The following SYT16 variants were observed in gnomAD, a reference collection of about 807,000 sequenced individuals.
The protein encoded by SYT16 is synaptotagmin-16.
Under a neutral mutation model 61.4 loss-of-function variants are expected in SYT16, and 42 were observed. The observed-to-expected ratio is 0.68, with a 90% CI of 0.53 to 0.89. The LOEUF (loss-of-function observed/expected upper bound fraction) is 0.89, where lower values mean the gene tolerates loss of function less well. SYT16 is among the 40% of genes least tolerant of loss of function. The pLI, the probability that SYT16 is intolerant of heterozygous loss-of-function variation, is 0.00. For missense variants in SYT16, 804 were observed against 807.3 expected (o/e 1.00, Z 0.05); for synonymous variants, 314 against 302.3 (o/e 1.04, Z -0.40).
At chr14:61,822,121 G>A (rs1472256733) in intron 1 of SYT16, among the ~76,000 whole-genome samples, 1 of 152,188 alleles carries the variant, frequency 6.6e-6, no homozygotes, top group Admixed American at 6.5e-5. Flanking sequence ...AATTCCGAAA[G>A]CCTCAAAACT....
intron 1 of SYT16, among the ~76,000 whole-genome samples, chr14:61,868,237 A>G (rs2047222437): frequency 6.6e-6 from 1 of 151,734 alleles, no homozygotes. Context: ...TCTTTTTTTA[A>G]TCTTAATCAG....
intron 1 of SYT16, among the ~76,000 whole-genome samples, chr14:61,864,154 A>G (rs183220269): frequency 2.6e-4 from 39 of 152,342 alleles, no homozygotes; most frequent in Middle Eastern, 3.4e-3. Flanking sequence ...CCATTCACCA[A>G]TTGGTAGACT....
chr14:62,098,487 T>A (rs1418417780), intron 7 of SYT16, among the ~76,000 whole-genome samples: 1 of 152,230 alleles, frequency 6.6e-6, no homozygotes, highest in Non-Finnish European at 1.5e-5. Context: ...TAGTAAAATT[T>A]GAGTGCTTTC....
chr14:62,063,967 T>A (rs146241738), intron 3 of SYT16, among the ~76,000 whole-genome samples: 717 of 152,302 alleles, frequency 4.7e-3, no homozygotes, highest in Non-Finnish European at 7.4e-3. Context: ...CTGTCTGAAT[T>A]CTGTGATTGA....
At chr14:62,037,016 A>C (rs372048463) in intron 3 of SYT16, among the ~76,000 whole-genome samples, 6 of 152,188 alleles carry the variant, frequency 3.9e-5, no homozygotes, top group African/African-American at 1.4e-4. Flanking sequence ...GAACTTGGTC[A>C]GTGGCCACGT....
intron 5 of SYT16, 111 bp from the exon 6 acceptor site, chr14:62,080,723 C>G: frequency 9.4e-7 from 1 of 1,058,898 alleles, no homozygotes; most frequent in Non-Finnish European, 1.4e-6. Context: ...AGGGAATACA[C>G]TGGCAGTTAG....
chr14:61,976,407 C>T (rs1214977035), intron 2 of SYT16, among the ~76,000 whole-genome samples: 1 of 152,200 alleles, frequency 6.6e-6, no homozygotes, highest in Admixed American at 6.5e-5. Flanking sequence ...CCCACATTTC[C>T]CTTTCTCACT....
chr14:61,839,141 C>T lies in SYT16; in HGVS notation c.-325+26331C>T, dbSNP rs189552548. Among the ~76,000 whole-genome samples, 39 of 152,240 alleles carry T rather than the reference C, an allele frequency of 2.6e-4. No individual in the cohort carries two copies. In the East Asian group the frequency reaches 6.4e-3, roughly 25 times the overall value. The stretch of plus-strand genomic sequence containing the variant: ...AGTTGCTGTAGTCTAAATGTGCCCT[C>T]CAAAATTCATGTGTTGGAAACGTAA... On this transcript the variant is annotated intron_variant, in intron 1 of 7. Transcript: ENST00000683842.
At chr14:61,954,421 C>T (rs1413519298) in intron 1 of SYT16, among the ~76,000 whole-genome samples, 1 of 150,850 alleles carries the variant, frequency 6.6e-6, no homozygotes, top group Admixed American at 6.6e-5. Flanking sequence ...GTTCTGCCTT[C>T]TCCTTGAGCC....
chr14:61,870,655 T>C (rs542287707), intron 1 of SYT16, among the ~76,000 whole-genome samples: 3 of 152,154 alleles, frequency 2.0e-5, no homozygotes, highest in Non-Finnish European at 4.4e-5. Context: ...GTCTTTTTAC[T>C]CTGTGTGTTT....
At chr14:61,916,890 G>C (rs750505780) in intron 1 of SYT16, among the ~76,000 whole-genome samples, 1 of 152,026 alleles carries the variant, frequency 6.6e-6, no homozygotes, top group Non-Finnish European at 1.5e-5. Context: ...GTGACCTCCA[G>C]TTCCATCTAG....
In SYT16 at chr14:61,995,879, G is replaced by A. The variant is rs1206740780; in HGVS notation, c.-141G>A. The A allele has an allele frequency of 4.9e-6, 4 of 817,242 alleles. No homozygotes were observed. The highest frequency in any genetic ancestry group is 7.3e-6 in the Non-Finnish European group (4 of 546,676). The allele number at this position is 817,242 out of a possible 1,614,324, so 50.6% of individuals were successfully genotyped here. A position where few individuals can be genotyped will look rare whatever the true frequency, so the allele number is the denominator to read the frequency against. On this transcript the variant is annotated 5_prime_UTR_variant, in exon 3 of 8. Coordinates refer to ENST00000683842, the MANE Select transcript of SYT16 (RefSeq NM_001367656.1). ...GTATTTCTTTCCTCTGTTTCAGCTG[G>A]AAGTTTTGAGAGTGAAATATTCACA...
chr14:62,090,755 C>A (rs1375815627), intron 7 of SYT16, among the ~76,000 whole-genome samples: 1 of 152,090 alleles, frequency 6.6e-6, no homozygotes, highest in East Asian at 1.9e-4. Flanking sequence ...TTTTATGCTG[C>A]TGATAAAGAC....
intron 3 of SYT16, among the ~76,000 whole-genome samples, chr14:62,001,259 A>G (rs2053003376): frequency 6.6e-6 from 1 of 152,068 alleles, no homozygotes; most frequent in Admixed American, 6.6e-5. Flanking sequence ...AATTTGAAGC[A>G]TTCTTCATTT....
chr14:61,998,783 T>C (rs1261682942), intron 3 of SYT16, among the ~76,000 whole-genome samples: 2 of 151,904 alleles, frequency 1.3e-5, no homozygotes, highest in Non-Finnish European at 2.9e-5. Flanking sequence ...TTATCCTCAG[T>C]AGTTAGGTGC....
At chr14:61,841,289 A>G (rs1051500335) in intron 1 of SYT16, among the ~76,000 whole-genome samples, 1 of 152,232 alleles carries the variant, frequency 6.6e-6, no homozygotes, top group Non-Finnish European at 1.5e-5. Flanking sequence ...GTATGGGGAT[A>G]CATTTATAGC....
chr14:62,026,569 C>G (rs987378868), intron 3 of SYT16, among the ~76,000 whole-genome samples: 2 of 152,204 alleles, frequency 1.3e-5, no homozygotes, highest in African/African-American at 4.8e-5. Context: ...GTCCCCACCT[C>G]TTAATACTAC....
At chr14:61,845,106 G>A (rs896253423) in intron 1 of SYT16, among the ~76,000 whole-genome samples, 13 of 143,068 alleles carry the variant, frequency 9.1e-5, no homozygotes, top group Non-Finnish European at 1.3e-4. Context: ...GGAGTGCAGT[G>A]GCATGATCTC....
At chr14:62,081,412 AG>A (rs2056703430) in intron 6 of SYT16, 138 bp downstream of exon 6, 1 of 952,038 alleles carries the variant, frequency 1.1e-6, no homozygotes, top group Non-Finnish European at 1.5e-6. Context: ...CACCCTTGTA[AG>A]CCATGATTTG....
Sources: gnomAD v4.1 joint callset for allele counts (sites outside exome capture counted in the v4.1 genomes callset) on GRCh38, gnomAD v4.1.1 for gene constraint, MANE v1.5 for transcripts, NCBI Gene and HGNC (gene_info 2026-07-23, HGNC 2026-07-21) for gene names.